The following TVP23A variants were observed in gnomAD, a reference collection of about 807,000 sequenced individuals.
TVP23A encodes trans-golgi network vesicle protein 23 homolog A.
In TVP23A, 21 loss-of-function variants were observed where a neutral mutation model predicts 31.7. The ratio of observed to expected loss-of-function variants is 0.66; its 90% CI spans 0.47 to 0.95. The LOEUF (loss-of-function observed/expected upper bound fraction) is 0.95, where lower values mean the gene tolerates loss of function less well. Ranked by LOEUF, TVP23A falls within the 40% of genes least tolerant of loss-of-function variation. The probability of loss-of-function intolerance (pLI) is 0.00; values close to 1 mark genes in which losing one functional copy is unlikely to be tolerated. For missense variants in TVP23A, 279 were observed against 255.6 expected, an observed-to-expected ratio of 1.09 and a Z score of -0.62; for synonymous variants, 104 against 96.0, an observed-to-expected ratio of 1.08 and a Z score of -0.49.
chr16:10,800,623 CTGGCCTG>C (rs1274234271), intron 2 of TVP23A, among the ~76,000 whole-genome samples: 16 of 152,136 alleles, frequency 1.1e-4, no homozygotes, highest in African/African-American at 3.6e-4. Flanking sequence ...CTACTGCAAC[CTGGCCTG>C]TGGGAGGCTC....
chr16:10,782,695 G>A (rs1427250643), intron 2 of TVP23A, among the ~76,000 whole-genome samples: 2 of 152,000 alleles, frequency 1.3e-5, no homozygotes, highest in African/African-American at 4.8e-5. Flanking sequence ...GTAGAGATGG[G>A]ATCTCACTAT....
At position 10,818,138 on chromosome 16, in the gene TVP23A, G is replaced by A. The variant is rs183327882; in HGVS notation, c.54C>T (p.Asn18=). ...CTTTCCTAAAGGCCAGCTCCTCCTC[G>A]TTTCCAAAGTCCAGGGACACATCCT... The part of the protein sequence containing the change: ...DTEDVSLDFG[N]EEELAFRKAK... The change falls in exon 2 of 8, where the codon AAC becomes AAT. Residue 18 remains asparagine, a synonymous_variant. Transcript: ENST00000299866. This position sits in a 1 kb window ranked among gnomAD's most constrained non-coding sequence, Gnocchi z 4.7. The A allele has an allele frequency of 6.2e-6, 10 of 1,609,018 alleles. No homozygotes were observed. The highest frequency in any genetic ancestry group is 1.6e-4 in the Middle Eastern group (1 of 6,078).
At chr16:10,761,587 G>C in intron 8 of TVP23A, 1 of 1,063,832 alleles carries the variant, frequency 9.4e-7, no homozygotes, top group Admixed American at 2.4e-5. Context: ...TTGGGAAGTG[G>C]AATCACAATT....
In TVP23A at chr16:10,773,393, A is replaced by T. The variant is rs1199792260; in HGVS notation, c.373T>A (p.Trp125Arg). 6.2e-7 allele frequency: 1 copy of T among 1,611,448 alleles called. No homozygotes were observed. Among genetic ancestry groups the T allele is most frequent in the South Asian group, 1.1e-5 (1 of 90,060 alleles). The change falls in exon 5 of 8, where the codon TGG (tryptophan) becomes AGG (arginine). Residue 125 changes from tryptophan to arginine, a missense_variant. Physicochemically the swap from Trp to Arg is moderately radical, Grantham distance 101. Coordinates refer to ENST00000299866, the MANE Select transcript of TVP23A (RefSeq NM_001079512.4). The stretch of plus-strand genomic sequence containing the variant: ...ATGGGGCAGATTATGAGGCCCAGCC[A>T]GAAGATTCGTGCTTCAGCTTCTGTG... ...AATEAEARIF[W>R]LGLIICPMIW...
intron 2 of TVP23A, among the ~76,000 whole-genome samples, chr16:10,775,744 CTTTTTTTTTTTTTT>C (rs1004091841): frequency 2.1e-5 from 2 of 94,560 alleles, no homozygotes; most frequent in Non-Finnish European, 4.1e-5. Context: ...AATTGCTTTT[CTTTTTTTTTTTTTT>C]TTTTTTTTGA....
chr16:10,801,518 G>A (rs375026558), intron 2 of TVP23A, among the ~76,000 whole-genome samples: 18 of 152,030 alleles, frequency 1.2e-4, no homozygotes, highest in South Asian at 4.2e-4. Context: ...GTGCAGTGGC[G>A]CGATCTCAGC....
downstream of TVP23A, among the ~76,000 whole-genome samples, chr16:10,762,676 C>T (rs2030144857): frequency 6.6e-6 from 1 of 152,078 alleles, no homozygotes; most frequent in South Asian, 2.1e-4. Context: ...TCCAGGAGTG[C>T]CGGCTGCACC....
At chr16:10,764,683 G>T (rs1335648341), downstream of TVP23A, among the ~76,000 whole-genome samples, 1 of 151,396 alleles carries the variant, frequency 6.6e-6, no homozygotes. Context: ...CAGTCTGCTG[G>T]AGTAGGTCTA....
At chr16:10,783,956 A>C (rs1490023879) in intron 2 of TVP23A, among the ~76,000 whole-genome samples, 12 of 152,098 alleles carry the variant, frequency 7.9e-5, no homozygotes, top group Admixed American at 7.9e-4. Flanking sequence ...GCATAGGTGG[A>C]GCAGAGGGGA....
At position 10,768,113 on chromosome 16, in the gene TVP23A, G is replaced by T; in HGVS notation, c.*989C>A. On this transcript the variant is annotated 3_prime_UTR_variant, in exon 8 of 8. Coordinates refer to ENST00000299866, the MANE Select transcript of TVP23A (RefSeq NM_001079512.4). The surrounding 1 kb of genome is among the most constrained non-coding windows in gnomAD (Gnocchi z 4.3). ...AAGGAGCCAGGGGTGTGGAAGGACA[G>T]GTGGGTGGTGGGGTCTGTGATGACC... 1.5e-6 allele frequency: 2 copies of T among 1,339,514 alleles called. No individual in the cohort carries two copies. Among genetic ancestry groups the T allele is most frequent in the Non-Finnish European group, 2.1e-6 (2 of 940,388 alleles). The allele number at this position is 1,339,514 out of a possible 1,614,324, so 83.0% of individuals were successfully genotyped here.
At chr16:10,791,569 C>G (rs1272568914) in intron 2 of TVP23A, among the ~76,000 whole-genome samples, 5 of 152,174 alleles carry the variant, frequency 3.3e-5, no homozygotes, top group Non-Finnish European at 7.3e-5. Flanking sequence ...AAAAGGCTAC[C>G]TCGGACCAGG....
downstream of TVP23A, among the ~76,000 whole-genome samples, chr16:10,762,906 G>A (rs1188400704): frequency 6.7e-6 from 1 of 148,972 alleles, no homozygotes; most frequent in Non-Finnish European, 1.5e-5. Flanking sequence ...TGGGGAGAAT[G>A]GGAGCCTGTG....
chr16:10,786,149 T>G (rs992021072), intron 2 of TVP23A, among the ~76,000 whole-genome samples: 1 of 152,218 alleles, frequency 6.6e-6, no homozygotes, highest in African/African-American at 2.4e-5. Flanking sequence ...GGGAGGCAGG[T>G]TGGCCTTAAG....
chr16:10,771,527 C>A, intron 6 of TVP23A, 143 bp downstream of exon 6: 1 of 1,104,024 alleles, frequency 9.1e-7, no homozygotes, highest in Non-Finnish European at 1.3e-6. Context: ...AGAGCGAGAT[C>A]CTGTCTCCCA....
chr16:10,803,245 C>CTGTGTGTGTGTGTGTGTGTGTGTGTGTG (rs3040297), intron 2 of TVP23A, among the ~76,000 whole-genome samples: 20 of 135,470 alleles, frequency 1.5e-4, no homozygotes, highest in African/African-American at 4.1e-4. Context: ...GATCGCGCCA[C>CTGTGTGTGTGTGTGTGTGTGTGTGTGTG]TGTGTGTGTG....
At chr16:10,775,300 T>G in intron 2 of TVP23A, 1 of 1,389,296 alleles carries the variant, frequency 7.2e-7, no homozygotes, top group Non-Finnish European at 9.3e-7. Context: ...GCTGACACTG[T>G]TTTTTTTCCT....
At chr16:10,790,226 TG>T (rs1390218129) in intron 2 of TVP23A, among the ~76,000 whole-genome samples, 1 of 151,840 alleles carries the variant, frequency 6.6e-6, no homozygotes. Flanking sequence ...CCACAAAGAA[TG>T]GCTTTGCAGG....
At chr16:10,757,723 G>C, downstream of TVP23A, 2 of 857,824 alleles carry the variant, frequency 2.3e-6, no homozygotes, top group Non-Finnish European at 1.8e-6. This position sits in a 1 kb window ranked among gnomAD's most constrained non-coding sequence, Gnocchi z 4.1. Context: ...AGTTACTTGG[G>C]AGGCTGAGGT....
intron 7 of TVP23A, chr16:10,769,491 C>A (rs1326960052): frequency 1.5e-5 from 3 of 194,754 alleles, no homozygotes; most frequent in Non-Finnish European, 3.1e-5. Context: ...AGAAAAGAAC[C>A]AAAGGGGTGA....
Sources: gnomAD v4.1 joint callset for allele counts (sites outside exome capture counted in the v4.1 genomes callset) on GRCh38, gnomAD v4.1.1 for gene constraint, Gnocchi (gnomAD v3.1) non-coding constraint, MANE v1.5 for transcripts, NCBI Gene and HGNC (gene_info 2026-07-23, HGNC 2026-07-21) for gene names.